Variants in ROR2 observed in about 807,000 individuals in gnomAD.
ROR2 encodes the protein tyrosine-protein kinase transmembrane receptor ROR2.
A neutral mutation model predicts 74.9 loss-of-function variants in ROR2; 33 were observed. That is an observed-to-expected ratio of 0.44 (90% CI 0.33 to 0.59). The LOEUF is 0.59. ROR2 is among the 20% of genes least tolerant of loss of function. ROR2 has a pLI of 0.02. For synonymous variants in ROR2, 586 were observed against 558.7 expected, an observed-to-expected ratio of 1.05 and a Z score of -0.69; for missense variants, 1,216 against 1,313.8, an observed-to-expected ratio of 0.93 and a Z score of 1.15.
intron 1 of ROR2, among the ~76,000 whole-genome samples, chr9:91,817,619 G>A (rs375538770): frequency 2.6e-5 from 4 of 152,208 alleles, no homozygotes; most frequent in East Asian, 1.9e-4. Flanking sequence ...CATCCTACCC[G>A]GCCACCAGCG....
chr9:91,885,315 G>T (rs1346246229), intron 1 of ROR2, among the ~76,000 whole-genome samples: 1 of 152,166 alleles, frequency 6.6e-6, no homozygotes, highest in African/African-American at 2.4e-5. Flanking sequence ...GGGGGTTGGG[G>T]GGCGGTAGGG....
intron 1 of ROR2, among the ~76,000 whole-genome samples, chr9:91,897,901 G>A (rs1352888153): frequency 1.3e-5 from 2 of 152,188 alleles, no homozygotes; most frequent in Non-Finnish European, 2.9e-5. Flanking sequence ...GTGTGGTGAG[G>A]AAGGTGGACA....
chr9:91,767,135 C>T lies in ROR2; in HGVS notation c.175+8606G>A, dbSNP rs578138771. 1.2e-4 allele frequency among the ~76,000 whole-genome samples: 18 copies of T among 151,432 alleles called. No homozygotes were observed. The South Asian group carries it at 3.3e-3, about 28-fold the overall frequency. The stretch of plus-strand genomic sequence containing the variant: ...CTGTCGCCAGACTGGAGTGCAGTGG[C>T]GTGATCTCGGCTCACCACAACCTTC... On this transcript the variant is annotated intron_variant, in intron 2 of 8. Coordinates refer to ENST00000375708, the MANE Select transcript of ROR2 (RefSeq NM_004560.4).
intron 1 of ROR2, among the ~76,000 whole-genome samples, chr9:91,808,333 A>G (rs1485455782): frequency 6.6e-6 from 1 of 152,216 alleles, no homozygotes; most frequent in African/African-American, 2.4e-5. Context: ...GCCTCTCCTC[A>G]ATTAAAATCT....
At chr9:91,737,851 A>C (rs925269387) in intron 4 of ROR2, among the ~76,000 whole-genome samples, 1 of 152,232 alleles carries the variant, frequency 6.6e-6, no homozygotes, top group East Asian at 1.9e-4. Context: ...ACTTACATGC[A>C]TATTACTAGG....
At chr9:91,762,201 C>G (rs1467167959) in intron 2 of ROR2, among the ~76,000 whole-genome samples, 1 of 152,156 alleles carries the variant, frequency 6.6e-6, no homozygotes, top group African/African-American at 2.4e-5. Context: ...CCCCGGTTTC[C>G]TAAGGACCTC....
chr9:91,916,761 C>T (rs151096929), intron 1 of ROR2, among the ~76,000 whole-genome samples: 95 of 152,200 alleles, frequency 6.2e-4, no homozygotes, highest in African/African-American at 2.1e-3. Context: ...ATCTTGGAAT[C>T]GCTCTTAGAA....
intron 1 of ROR2, among the ~76,000 whole-genome samples, chr9:91,776,812 C>CTA (rs1826434433): frequency 2.0e-5 from 3 of 149,384 alleles, no homozygotes; most frequent in Admixed American, 1.3e-4. Flanking sequence ...CATACTTGCA[C>CTA]TATATACACA....
At chr9:91,891,549 G>A (rs1009807118) in intron 1 of ROR2, among the ~76,000 whole-genome samples, 1 of 152,182 alleles carries the variant, frequency 6.6e-6, no homozygotes, top group Admixed American at 6.5e-5. Context: ...GATTACAGGC[G>A]TGAGCTACCG....
At chr9:91,842,531 C>T (rs1239307472) in intron 1 of ROR2, among the ~76,000 whole-genome samples, 3 of 152,358 alleles carry the variant, frequency 2.0e-5, no homozygotes, top group South Asian at 2.1e-4. Flanking sequence ...GCCAATCGGA[C>T]GCCACAGGCA....
chr9:91,888,494 CTA>C (rs1830345614), intron 1 of ROR2, among the ~76,000 whole-genome samples: 1 of 152,154 alleles, frequency 6.6e-6, no homozygotes, highest in East Asian at 1.9e-4. Context: ...TCCTAGATCT[CTA>C]GCCACTACTG....
intron 1 of ROR2, among the ~76,000 whole-genome samples, chr9:91,881,528 C>G (rs1054710510): frequency 6.6e-6 from 1 of 152,210 alleles, no homozygotes; most frequent in Non-Finnish European, 1.5e-5. Context: ...AAGAGTCTAT[C>G]AATGCTGTTA....
intron 1 of ROR2, among the ~76,000 whole-genome samples, chr9:91,820,219 T>C (rs1327580394): frequency 1.3e-5 from 2 of 152,180 alleles, no homozygotes; most frequent in African/African-American, 2.4e-5. Flanking sequence ...TTTAATTTAA[T>C]AAACAAAACA....
chr9:91,778,641 CT>C (rs1393092333), intron 1 of ROR2, among the ~76,000 whole-genome samples: 2 of 152,158 alleles, frequency 1.3e-5, no homozygotes, highest in Non-Finnish European at 2.9e-5. Context: ...TATTTTTCTC[CT>C]GAATATGAGG....
At chr9:91,808,483 G>T (rs995085416) in intron 1 of ROR2, among the ~76,000 whole-genome samples, 1 of 150,624 alleles carries the variant, frequency 6.6e-6, no homozygotes, top group African/African-American at 2.4e-5. Flanking sequence ...TACAAAATTA[G>T]CTGGGTGTGG....
intron 1 of ROR2, among the ~76,000 whole-genome samples, chr9:91,815,225 T>A (rs533791039): frequency 6.6e-6 from 1 of 152,330 alleles, no homozygotes; most frequent in East Asian, 1.9e-4. Context: ...TTTTCCATAA[T>A]AAATGATATG....
intron 1 of ROR2, among the ~76,000 whole-genome samples, chr9:91,792,465 C>G (rs990663656): frequency 6.6e-6 from 1 of 152,152 alleles, no homozygotes; most frequent in Non-Finnish European, 1.5e-5. Context: ...CCCGCCACCA[C>G]GCCCAGCTAA....
intron 1 of ROR2, chr9:91,887,298 T>C (rs906906202): frequency 6.6e-6 from 1 of 152,290 alleles, no homozygotes; most frequent in Non-Finnish European, 1.5e-5. Context: ...GAAAGGCTTA[T>C]TCTTTTCTCG....
chr9:91,722,924 G>T lies in ROR2; in HGVS notation c.*738C>A. Reference sequence around the variant, plus strand: ...ACAATACCGTGTTCTGTACAATACTGCTTCCTCTGAACATTCCAAACCCAA... The same window carrying T: ...ACAATACCGTGTTCTGTACAATACTTCTTCCTCTGAACATTCCAAACCCAA... On this transcript the variant is annotated 3_prime_UTR_variant, in exon 9 of 9. Coordinates refer to ENST00000375708, the MANE Select transcript of ROR2 (RefSeq NM_004560.4). 3.5e-6 allele frequency: 1 copy of T among 284,334 alleles called. No individual in the cohort carries two copies. Among genetic ancestry groups the T allele is most frequent in the Non-Finnish European group, 6.7e-6 (1 of 149,076 alleles). 17.6% of individuals were successfully genotyped at this position (284,334 alleles called of 1,614,324 possible). A position where few individuals can be genotyped will look rare whatever the true frequency, so the allele number is the denominator to read the frequency against.
Sources: gnomAD v4.1 joint callset for allele counts (sites outside exome capture counted in the v4.1 genomes callset) on GRCh38, gnomAD v4.1.1 for gene constraint, MANE v1.5 for transcripts, NCBI Gene and HGNC (gene_info 2026-07-23, HGNC 2026-07-21) for gene names.